IPO11: variants seen among roughly 807,000 people sequenced by gnomAD.
IPO11 encodes importin 11, also known as importin-11.
In IPO11, 66 loss-of-function variants were observed where a neutral mutation model predicts 143.2. The ratio of observed to expected loss-of-function variants is 0.46; its 90% CI spans 0.38 to 0.57. The LOEUF (loss-of-function observed/expected upper bound fraction) is 0.57. Ranked by LOEUF, IPO11 falls within the 20% of genes least tolerant of loss-of-function variation. The probability of loss-of-function intolerance (pLI) is 0.00; values close to 1 mark genes in which losing one functional copy is unlikely to be tolerated. For missense variants in IPO11, 1,026 were observed against 1,141.0 expected, an observed-to-expected ratio of 0.90 and a Z score of 1.45; for synonymous variants, 385 against 377.8, an observed-to-expected ratio of 1.02 and a Z score of -0.22.
chr5:62,514,197 G>A (rs1280681575), intron 19 of IPO11, among the ~76,000 whole-genome samples: 4 of 152,030 alleles, frequency 2.6e-5, no homozygotes, highest in Admixed American at 6.5e-5. Context: ...GGTGGCGGCC[G>A]GGCAGGGGCT....
chr5:62,514,457 C>T (rs1389642490), intron 19 of IPO11, among the ~76,000 whole-genome samples: 12 of 151,824 alleles, frequency 7.9e-5, no homozygotes, highest in East Asian at 1.9e-4. Flanking sequence ...TCAGGCGTGG[C>T]GGCGCACGCC....
At chr5:62,548,397 A>AGCT (rs1743279971) in intron 24 of IPO11, among the ~76,000 whole-genome samples, 1 of 152,084 alleles carries the variant, frequency 6.6e-6, no homozygotes, top group South Asian at 2.1e-4. Context: ...CCAAGTTTGT[A>AGCT]GCTGCTGCTG....
At chr5:62,458,548 G>T (rs527450624) in intron 5 of IPO11, among the ~76,000 whole-genome samples, 1 of 152,130 alleles carries the variant, frequency 6.6e-6, no homozygotes, top group Non-Finnish European at 1.5e-5. Flanking sequence ...TGATCTGCCC[G>T]CCTTGACCTC....
chr5:62,414,949 C>G (rs1444098970), intron 1 of IPO11, among the ~76,000 whole-genome samples: 1 of 152,186 alleles, frequency 6.6e-6, no homozygotes, highest in Non-Finnish European at 1.5e-5. Flanking sequence ...TCACACATAC[C>G]TAGATTTATA....
At chr5:62,487,156 T>G (rs901243107) in intron 12 of IPO11, among the ~76,000 whole-genome samples, 3 of 152,196 alleles carry the variant, frequency 2.0e-5, no homozygotes, top group Non-Finnish European at 4.4e-5. Flanking sequence ...AACAAATCAT[T>G]TTTTTAAATG....
At chr5:62,434,080 C>T (rs1368064424) in intron 1 of IPO11, among the ~76,000 whole-genome samples, 6 of 152,090 alleles carry the variant, frequency 3.9e-5, no homozygotes, top group Admixed American at 6.6e-5. Flanking sequence ...CTTCATTTTC[C>T]GCCACTTTCC....
chr5:62,511,695 G>A (rs1191062245), intron 19 of IPO11, among the ~76,000 whole-genome samples: 2 of 152,060 alleles, frequency 1.3e-5, no homozygotes, highest in Non-Finnish European at 2.9e-5. Flanking sequence ...AGATATTCAA[G>A]TAGATAGTAG....
intron 24 of IPO11, among the ~76,000 whole-genome samples, chr5:62,537,747 A>C (rs1742784478): frequency 6.6e-6 from 1 of 152,178 alleles, no homozygotes; most frequent in African/African-American, 2.4e-5. Flanking sequence ...GTTTGTTGAT[A>C]TTCTGTAATT....
At chr5:62,419,936 C>T (rs925140339) in intron 1 of IPO11, among the ~76,000 whole-genome samples, 3 of 151,968 alleles carry the variant, frequency 2.0e-5, no homozygotes, top group South Asian at 2.1e-4. Flanking sequence ...AAGAGTTCAA[C>T]GTTGTAGTGA....
At chr5:62,554,145 T>G (rs1179468212) in intron 26 of IPO11, among the ~76,000 whole-genome samples, 1 of 152,228 alleles carries the variant, frequency 6.6e-6, no homozygotes, top group African/African-American at 2.4e-5. Context: ...ATTTAGCTGT[T>G]GTTTGAGTTT....
chr5:62,565,792 C>G (rs576319690), intron 27 of IPO11, among the ~76,000 whole-genome samples: 12 of 151,968 alleles, frequency 7.9e-5, no homozygotes, highest in East Asian at 1.9e-4. Flanking sequence ...CCCTACCCCC[C>G]CAACTGGCCC....
intron 24 of IPO11, among the ~76,000 whole-genome samples, chr5:62,542,104 AC>A (rs1742972021): frequency 6.6e-6 from 1 of 151,458 alleles, no homozygotes; most frequent in African/African-American, 2.4e-5. Flanking sequence ...AGATGGAGTT[AC>A]GCTCTTGTTG....
In IPO11 at chr5:62,530,719, T is replaced by C. The variant is rs1405537999; in HGVS notation, c.2023T>C (p.Leu675=). The C allele has an allele frequency of 6.2e-7, 1 of 1,611,756 alleles. No homozygotes were observed. The highest frequency in any genetic ancestry group is 8.5e-7 in the Non-Finnish European group (1 of 1,178,332). Residue 675 remains leucine (L), a synonymous_variant, in exon 22 of 30, where the codon TTG becomes CTG. Coordinates refer to ENST00000325324, the MANE Select transcript of IPO11 (RefSeq NM_016338.5). ...EDGLELWLVT[L]ENSPCITPEL... ...GTTTTTCCTTCCTAGGTTAGTAACTTTGGAAAACAGTCCATGTATTACACC... is the reference window on the plus strand; with the variant it reads ...GTTTTTCCTTCCTAGGTTAGTAACTCTGGAAAACAGTCCATGTATTACACC...
At chr5:62,441,971 G>A (rs1456630277) in intron 2 of IPO11, among the ~76,000 whole-genome samples, 3 of 150,220 alleles carry the variant, frequency 2.0e-5, no homozygotes, top group Admixed American at 6.7e-5. Flanking sequence ...TCAGCCTCCC[G>A]AGTAGCTGGT....
chr5:62,544,296 A>G (rs569380960), intron 24 of IPO11, among the ~76,000 whole-genome samples: 3 of 152,306 alleles, frequency 2.0e-5, no homozygotes, highest in Non-Finnish European at 4.4e-5. Context: ...AGGCTGGTTC[A>G]ACATACACAA....
intron 24 of IPO11, among the ~76,000 whole-genome samples, chr5:62,544,192 C>A (rs1561356109): frequency 6.6e-6 from 1 of 151,978 alleles, no homozygotes; most frequent in Non-Finnish European, 1.5e-5. Context: ...AACATCAATG[C>A]AAAAATCCTC....
chr5:62,471,625 T>C (rs1745775948), intron 7 of IPO11, among the ~76,000 whole-genome samples: 1 of 152,206 alleles, frequency 6.6e-6, no homozygotes, highest in African/African-American at 2.4e-5. Context: ...TTACATGTCG[T>C]TTCCTTACTT....
chr5:62,508,832 A>G (rs1310847538), intron 19 of IPO11, among the ~76,000 whole-genome samples: 2 of 151,644 alleles, frequency 1.3e-5, no homozygotes, highest in Non-Finnish European at 2.9e-5. Context: ...TTCAACTCCC[A>G]CCTATGAGTG....
At chr5:62,452,019 G>C in intron 5 of IPO11, 86 bp downstream of exon 5, 1 of 1,035,400 alleles carries the variant, frequency 9.7e-7, no homozygotes, top group Non-Finnish European at 1.5e-6. Flanking sequence ...AGCACTTTGG[G>C]AGGCCGAGGC....
Sources: gnomAD v4.1 joint callset for allele counts (sites outside exome capture counted in the v4.1 genomes callset) on GRCh38, gnomAD v4.1.1 for gene constraint, MANE v1.5 for transcripts, NCBI Gene and HGNC (gene_info 2026-07-23, HGNC 2026-07-21) for gene names.